The following OXR1 variants were observed in gnomAD, a reference collection of about 807,000 sequenced individuals.
The protein encoded by OXR1 is oxidation resistance 1, also known as oxidation resistance protein 1.
In OXR1, 41 loss-of-function variants were observed where a neutral mutation model predicts 104.6. The ratio of observed to expected loss-of-function variants is 0.39; its 90% confidence interval spans 0.31 to 0.51. The LOEUF (loss-of-function observed/expected upper bound fraction) is 0.51. Ranked by LOEUF, OXR1 falls within the 20% of genes least tolerant of loss-of-function variation. OXR1 has a pLI of 0.77. For synonymous variants in OXR1, 348 were observed against 348.4 expected (o/e 1.00, Z 0.01); for missense variants, 955 against 1,031.9 (o/e 0.93, Z 1.02).
chr8:106,450,739 T>C (rs755618170), intron 2 of OXR1, among the ~76,000 whole-genome samples: 8 of 150,924 alleles, frequency 5.3e-5, no homozygotes, highest in Non-Finnish European at 1.0e-4. Flanking sequence ...TATACTTTCA[T>C]TTTACAGAGC....
intron 2 of OXR1, among the ~76,000 whole-genome samples, chr8:106,468,423 A>C (rs532250350): frequency 1.2e-3 from 184 of 151,860 alleles, no homozygotes; most frequent in South Asian, 0.012. Context: ...CACACACACA[A>C]AAAACAACAA....
At chr8:106,454,328 A>G (rs1334302581) in intron 2 of OXR1, among the ~76,000 whole-genome samples, 1 of 151,760 alleles carries the variant, frequency 6.6e-6, no homozygotes. Flanking sequence ...AGGCGTGGTG[A>G]CATGCACCTG....
At chr8:106,444,883 A>G (rs868274927) in intron 2 of OXR1, among the ~76,000 whole-genome samples, 16 of 152,198 alleles carry the variant, frequency 1.1e-4, no homozygotes, top group Admixed American at 3.9e-4. Flanking sequence ...ATATGTACAC[A>G]CACACATACC....
chr8:106,697,958 C>T, intron 7 of OXR1: 1 of 1,612,712 alleles, frequency 6.2e-7, no homozygotes, highest in Non-Finnish European at 8.5e-7. Flanking sequence ...TACTGTTTCT[C>T]AATCTTCTGC....
At chr8:106,715,500 A>C (rs1832151093) in intron 11 of OXR1, among the ~76,000 whole-genome samples, 1 of 151,196 alleles carries the variant, frequency 6.6e-6, no homozygotes, top group South Asian at 2.1e-4. Context: ...GATTAGCTTT[A>C]GAAGGTACTT....
chr8:106,450,663 A>C (rs767148215), intron 2 of OXR1, among the ~76,000 whole-genome samples: 16 of 152,168 alleles, frequency 1.1e-4, no homozygotes, highest in Non-Finnish European at 2.1e-4. Context: ...CAAGTAAAAC[A>C]GAGCAGACCT....
chr8:106,503,522 G>A (rs1421245763), intron 2 of OXR1, among the ~76,000 whole-genome samples: 1 of 152,216 alleles, frequency 6.6e-6, no homozygotes, highest in East Asian at 1.9e-4. Flanking sequence ...ACCCTTAAGG[G>A]TAAGGGGTGA....
chr8:106,443,821 A>G (rs1819894612), intron 2 of OXR1, among the ~76,000 whole-genome samples: 1 of 152,208 alleles, frequency 6.6e-6, no homozygotes, highest in Non-Finnish European at 1.5e-5. Flanking sequence ...AGCAATTGCA[A>G]CAAAAGCCAA....
intron 2 of OXR1, among the ~76,000 whole-genome samples, chr8:106,395,755 A>G (rs1405905647): frequency 6.6e-6 from 1 of 152,148 alleles, no homozygotes; most frequent in Admixed American, 6.6e-5. Context: ...CACTATTGGT[A>G]AAGAGCAGAC....
At chr8:106,519,241 A>G (rs1000214791) in intron 3 of OXR1, 102 bp downstream of exon 3, 29 of 690,432 alleles carry the variant, frequency 4.2e-5, no homozygotes, top group Non-Finnish European at 7.3e-6. Context: ...GTTATAAAAC[A>G]TGTAAATCTT....
At chr8:106,626,798 C>T (rs919787672) in intron 3 of OXR1, among the ~76,000 whole-genome samples, 6 of 150,558 alleles carry the variant, frequency 4.0e-5, no homozygotes, top group African/African-American at 1.2e-4. Flanking sequence ...TATTCACTAG[C>T]GTTGTGATAA....
intron 10 of OXR1, among the ~76,000 whole-genome samples, chr8:106,711,285 C>A (rs531927403): frequency 6.6e-6 from 1 of 152,040 alleles, no homozygotes; most frequent in African/African-American, 2.4e-5. Flanking sequence ...ATTGTACTAT[C>A]TTGTCAATTT....
chr8:106,381,898 G>A (rs1817164796), intron 2 of OXR1, among the ~76,000 whole-genome samples: 1 of 152,112 alleles, frequency 6.6e-6, no homozygotes, highest in African/African-American at 2.4e-5. Context: ...ATTCCAGGTG[G>A]CATATAAAAG....
chr8:106,397,908 G>T (rs1251415288), intron 2 of OXR1, among the ~76,000 whole-genome samples: 1 of 152,090 alleles, frequency 6.6e-6, no homozygotes, highest in African/African-American at 2.4e-5. Context: ...TGTCTGTAAG[G>T]TTGGATCCTT....
intron 11 of OXR1, among the ~76,000 whole-genome samples, chr8:106,736,211 G>T (rs1834361505): frequency 6.8e-6 from 1 of 147,538 alleles, no homozygotes; most frequent in Admixed American, 7.1e-5. Context: ...ACAGCTTCTG[G>T]TTTCTAAGTA....
At chr8:106,692,667 T>G in intron 6 of OXR1, 61 bp from the exon 7 acceptor site, 8 of 1,031,654 alleles carry the variant, frequency 7.8e-6, no homozygotes, top group Non-Finnish European at 1.1e-5. Context: ...TTTTTAATAG[T>G]GTGCTCATTT....
chr8:106,567,667 T>C (rs1817179892), intron 3 of OXR1, among the ~76,000 whole-genome samples: 1 of 152,180 alleles, frequency 6.6e-6, no homozygotes, highest in African/African-American at 2.4e-5. Flanking sequence ...GAAAGCTGTA[T>C]CTTTTATGCA....
In OXR1 at chr8:106,334,212, T is replaced by G. The variant is rs567970968; in HGVS notation, c.-138-25264T>G. Among the ~76,000 whole-genome samples, 3 of 152,318 alleles carry G rather than the reference T, an allele frequency of 2.0e-5. No homozygotes were observed. The South Asian group carries it at 6.2e-4, about 32-fold the overall frequency. On this transcript the variant is annotated intron_variant, in intron 1 of 16. Transcript: ENST00000517566. ...TGTGTTCCTAAATACTTTTTTATACTTGATTGCTATTTTAAATGAAGTTTT... is the reference window on the plus strand; with the variant it reads ...TGTGTTCCTAAATACTTTTTTATACGTGATTGCTATTTTAAATGAAGTTTT...
chr8:106,337,001 T>C (rs1814994361), intron 1 of OXR1, among the ~76,000 whole-genome samples: 1 of 152,234 alleles, frequency 6.6e-6, no homozygotes, highest in Non-Finnish European at 1.5e-5. Context: ...TTTGCAAATA[T>C]AAATGTAACA....
Sources: gnomAD v4.1 joint callset for allele counts (sites outside exome capture counted in the v4.1 genomes callset) on GRCh38, gnomAD v4.1.1 for gene constraint, MANE v1.5 for transcripts, NCBI Gene and HGNC (gene_info 2026-07-23, HGNC 2026-07-21) for gene names.